ROCK2: variants seen among roughly 807,000 people sequenced by gnomAD.
ROCK2 encodes the protein Rho associated coiled-coil containing protein kinase 2, also known as rho-associated protein kinase 2.
A neutral mutation model predicts 195.1 loss-of-function variants in ROCK2; 61 were observed. The ratio of observed to expected loss-of-function variants is 0.31; its 90% CI spans 0.25 to 0.39. The LOEUF is 0.39. ROCK2 is among the 10% of genes least tolerant of loss of function. The pLI is 1.00. For missense variants in ROCK2, 1,109 were observed against 1,637.4 expected (o/e 0.68, Z 5.57); for synonymous variants, 504 against 545.5 (o/e 0.92, Z 1.06).
At position 11,201,500 on chromosome 2, in the gene ROCK2, G is replaced by T. The variant is rs1572235075; in HGVS notation, c.2620-87C>A. On this transcript the variant is annotated intron_variant, in intron 21 of 32. Coordinates refer to ENST00000315872, the MANE Select transcript of ROCK2 (RefSeq NM_004850.5). The surrounding 1 kb of genome is among the most constrained non-coding windows in gnomAD (Gnocchi z 4.6). The stretch of plus-strand genomic sequence containing the variant: ...AAGCTATTCAGACAAAAAGGAGAAT[G>T]AACACATACAAATATTTTCTTACTG... 7 of 750,298 alleles carry T rather than the reference G, an allele frequency of 9.3e-6. No individual in the cohort carries two copies. The East Asian group carries it at 1.6e-4, about 17-fold the overall frequency. 46.5% of individuals were successfully genotyped at this position (750,298 alleles called of 1,614,324 possible).
At chr2:11,241,637 T>C (rs76874179) in intron 4 of ROCK2, among the ~76,000 whole-genome samples, 13 of 152,186 alleles carry the variant, frequency 8.5e-5, no homozygotes, top group African/African-American at 3.1e-4. Flanking sequence ...CATGACAACA[T>C]AAGGAGTTAA....
At chr2:11,258,715 T>A (rs1666121182) in intron 3 of ROCK2, among the ~76,000 whole-genome samples, 1 of 150,938 alleles carries the variant, frequency 6.6e-6, no homozygotes, top group Admixed American at 6.6e-5. Context: ...TAGTCACGGG[T>A]TAAGGAGTTA....
chr2:11,184,249 A>G (rs774416771), intron 32 of ROCK2, among the ~76,000 whole-genome samples: 8 of 152,232 alleles, frequency 5.3e-5, no homozygotes, highest in Non-Finnish European at 1.0e-4. Flanking sequence ...TATGCTTTCA[A>G]TTCTTGCAAG....
intron 3 of ROCK2, among the ~76,000 whole-genome samples, chr2:11,272,433 GCTAGTAT>G (rs1666671434): frequency 6.6e-6 from 1 of 152,068 alleles, no homozygotes; most frequent in Non-Finnish European, 1.5e-5. Context: ...TAATCTAAAA[GCTAGTAT>G]TATTGAAACT....
Position 11,182,795 on chromosome 2 carries a change from C to G in ROCK2, c.*642G>C, listed in dbSNP as rs1663054735. The G allele has an allele frequency of 6.6e-6, 1 of 152,544 alleles. No homozygotes were observed. The highest frequency in any genetic ancestry group is 2.4e-5 in the African/African-American group (1 of 41,434). The allele number at this position is 152,544 out of a possible 1,614,324, so 9.4% of individuals were successfully genotyped here. On this transcript the variant is annotated 3_prime_UTR_variant, in exon 33 of 33. Transcript: ENST00000315872. ...CAGTAACTGCTTAAACATGAACATG[C>G]AACTTCCATCAGGTACACAGGAATG...
At chr2:11,205,597 ATTT>A (rs11376737) in intron 20 of ROCK2, among the ~76,000 whole-genome samples, 6 of 142,324 alleles carry the variant, frequency 4.2e-5, no homozygotes, top group Non-Finnish European at 3.1e-5. Flanking sequence ...CATTGCATGT[ATTT>A]TTTTTTTTTT....
intron 3 of ROCK2, among the ~76,000 whole-genome samples, chr2:11,263,752 T>G (rs1461022420): frequency 1.3e-5 from 2 of 151,478 alleles, no homozygotes; most frequent in African/African-American, 2.4e-5. Flanking sequence ...GGTTAAAGTT[T>G]TTTTTTTTTT....
At chr2:11,332,447 A>T (rs896874643) in intron 1 of ROCK2, among the ~76,000 whole-genome samples, 6 of 152,214 alleles carry the variant, frequency 3.9e-5, no homozygotes, top group Non-Finnish European at 7.3e-5. Context: ...AACAACTTAA[A>T]TATAATGATC....
At chr2:11,190,596 T>G (rs567164134) in intron 32 of ROCK2, among the ~76,000 whole-genome samples, 65 of 152,280 alleles carry the variant, frequency 4.3e-4, no homozygotes, top group Middle Eastern at 6.8e-3. Flanking sequence ...AAAAGGATAT[T>G]TGGAGTTATT....
chr2:11,326,113 C>G (rs1287347324), intron 1 of ROCK2, among the ~76,000 whole-genome samples: 1 of 151,976 alleles, frequency 6.6e-6, no homozygotes, highest in Non-Finnish European at 1.5e-5. Flanking sequence ...CAGTAGGTAG[C>G]TGGATATGTG....
intron 1 of ROCK2, among the ~76,000 whole-genome samples, chr2:11,323,612 T>A (rs1391198397): frequency 3.3e-5 from 5 of 152,202 alleles, no homozygotes. Context: ...TTAGAAAAAT[T>A]TTAAACCATA....
At chr2:11,236,843 G>A (rs943924837) in intron 4 of ROCK2, among the ~76,000 whole-genome samples, 9 of 152,138 alleles carry the variant, frequency 5.9e-5, no homozygotes, top group African/African-American at 2.2e-4. Flanking sequence ...AGGACAAACC[G>A]AAGACAGCTT....
chr2:11,279,833 C>T (rs1666942095), intron 3 of ROCK2, among the ~76,000 whole-genome samples: 1 of 152,144 alleles, frequency 6.6e-6, no homozygotes, highest in African/African-American at 2.4e-5. Context: ...TGTGTCTATT[C>T]TCAGATCACT....
rs536462420 is a variant in ROCK2, at chr2:11,201,818, A to G, written c.2619+234T>C. On this transcript the variant is annotated intron_variant, in intron 21 of 32. Transcript: ENST00000315872. The surrounding 1 kb of genome is among the most constrained non-coding windows in gnomAD (Gnocchi z 4.6). ...CTATTAAAATGATAATTTTATTACAATTTTATTTCTTGCATTATGAAAATA... is the reference window on the plus strand; with the variant it reads ...CTATTAAAATGATAATTTTATTACAGTTTTATTTCTTGCATTATGAAAATA... 7.9e-5 allele frequency among the ~76,000 whole-genome samples: 12 copies of G among 152,304 alleles called. No individual in the cohort carries two copies. The highest frequency in any genetic ancestry group is 1.9e-4 in the East Asian group (1 of 5,188).
At chr2:11,271,915 G>A (rs1004290674) in intron 3 of ROCK2, among the ~76,000 whole-genome samples, 1 of 151,708 alleles carries the variant, frequency 6.6e-6, no homozygotes, top group Admixed American at 6.6e-5. Flanking sequence ...AGCTACTCGG[G>A]AGGCTGAGGC....
intron 3 of ROCK2, among the ~76,000 whole-genome samples, chr2:11,252,239 C>T (rs1229015076): frequency 6.6e-6 from 1 of 151,882 alleles, no homozygotes; most frequent in Non-Finnish European, 1.5e-5. Flanking sequence ...GGTGAAACCC[C>T]GTTTCTACCA....
At chr2:11,307,956 G>T in intron 1 of ROCK2, 2 of 1,461,592 alleles carry the variant, frequency 1.4e-6, no homozygotes, top group South Asian at 1.5e-5. Context: ...GCCAGGCCTG[G>T]GAAGGATGGC....
chr2:11,343,883 G>C lies in ROCK2; in HGVS notation c.141+113C>G, dbSNP rs1669191789. ...GGCCCCGGCTGCCGGAAGCAGGGCG[G>C]GGTGGGGCAAGACCTCCCCCTCCCC... On this transcript the variant is annotated intron_variant, in intron 1 of 32. Transcript: ENST00000315872. 7.5e-6 allele frequency: 10 copies of C among 1,328,342 alleles called. No homozygotes were observed. In the South Asian group the frequency reaches 1.3e-4, roughly 17 times the overall value. The allele number at this position is 1,328,342 out of a possible 1,614,324, so 82.3% of individuals were successfully genotyped here.
At chr2:11,312,326 A>C (rs1230023274) in intron 1 of ROCK2, among the ~76,000 whole-genome samples, 1 of 152,144 alleles carries the variant, frequency 6.6e-6, no homozygotes, top group Non-Finnish European at 1.5e-5. Context: ...GTACAATTTG[A>C]TAAGTTTTGT....
Sources: gnomAD v4.1 joint callset for allele counts (sites outside exome capture counted in the v4.1 genomes callset) on GRCh38, gnomAD v4.1.1 for gene constraint, Gnocchi (gnomAD v3.1) non-coding constraint, MANE v1.5 for transcripts, NCBI Gene and HGNC (gene_info 2026-07-23, HGNC 2026-07-21) for gene names.